RBL2: variants seen among roughly 807,000 people sequenced by gnomAD.
RBL2 encodes RB transcriptional corepressor like 2.
Under a neutral mutation model 126.0 loss-of-function variants are expected in RBL2, and 56 were observed. That is an observed-to-expected ratio of 0.44 (90% confidence interval 0.36 to 0.56). The LOEUF is 0.56. RBL2 is among the 20% of genes least tolerant of loss of function. The pLI, the probability that RBL2 is intolerant of heterozygous loss-of-function variation, is 0.00. For missense variants in RBL2, 1,229 were observed against 1,398.2 expected, an observed-to-expected ratio of 0.88 and a Z score of 1.93; for synonymous variants, 454 against 478.5, an observed-to-expected ratio of 0.95 and a Z score of 0.67.
At position 53,457,258 on chromosome 16, in the gene RBL2, C is replaced by CCTTTTTTTTTTTTTTTTT. The variant is rs1555566426; in HGVS notation, c.1180-2193_1180-2192insCTTTTTTTTTTTTTTTTT. On this transcript the variant is annotated intron_variant, in intron 8 of 21. Transcript: ENST00000262133. ...GGGTCATCAGGGTGGGTACAGATAG[C>CCTTTTTTTTTTTTTTTTT]TTTTTTTTTTTTTTTTTTTGAGATG... Among the ~76,000 whole-genome samples the CCTTTTTTTTTTTTTTTTT allele has an allele frequency of 4.1e-3, 370 of 89,852 alleles. 30 individuals carry two copies. Among genetic ancestry groups the CCTTTTTTTTTTTTTTTTT allele is most frequent in the Middle Eastern group, 8.1e-3 (1 of 124 alleles). 58.9% of individuals were successfully genotyped at this position (89,852 alleles called of 152,430 possible).
chr16:53,454,162 G>A, intron 7 of RBL2: 1 of 433,734 alleles, frequency 2.3e-6, no homozygotes, highest in South Asian at 1.7e-5. Flanking sequence ...TGTGATGGAT[G>A]AGCTTGGGGA....
chr16:53,461,142 G>T (rs1353761619), intron 9 of RBL2, among the ~76,000 whole-genome samples: 1 of 152,024 alleles, frequency 6.6e-6, no homozygotes. Flanking sequence ...ACAGGTGGGG[G>T]ACAGTCATAG....
chr16:53,449,604 AAAG>A (rs2058094485), intron 4 of RBL2: 1 of 151,294 alleles, frequency 6.6e-6, no homozygotes, highest in Non-Finnish European at 1.5e-5. Context: ...AAAAAAAAAA[AAAG>A]AAACTTGGTC....
At chr16:53,480,059 A>C in intron 19 of RBL2, 68 bp downstream of exon 19, 1 of 1,012,584 alleles carries the variant, frequency 9.9e-7, no homozygotes, top group South Asian at 1.5e-5. Flanking sequence ...GCCTTGAAGA[A>C]GTAACTAAGC....
At chr16:53,438,286 G>A (rs982100529) in intron 1 of RBL2, among the ~76,000 whole-genome samples, 2 of 152,008 alleles carry the variant, frequency 1.3e-5, no homozygotes, top group African/African-American at 4.8e-5. Context: ...TGTTCCATGT[G>A]GTCTCACCAG....
At chr16:53,453,347 A>G (rs2058134033) in intron 5 of RBL2, 105 bp from the exon 6 acceptor site, 1 of 1,024,232 alleles carries the variant, frequency 9.8e-7, no homozygotes, top group Non-Finnish European at 1.4e-6. Flanking sequence ...ATACATTTGT[A>G]TGCTAAGTGG....
intron 17 of RBL2, among the ~76,000 whole-genome samples, chr16:53,474,761 T>G (rs1476042945): frequency 6.6e-6 from 1 of 152,254 alleles, no homozygotes; most frequent in Non-Finnish European, 1.5e-5. Flanking sequence ...ATAAGAGGCA[T>G]TGGTCTGTAG....
intron 17 of RBL2, among the ~76,000 whole-genome samples, chr16:53,471,960 G>C (rs559313585): frequency 6.6e-6 from 1 of 152,254 alleles, no homozygotes; most frequent in South Asian, 2.1e-4. Context: ...CCAGCAGTTG[G>C]CATTCTGGCT....
chr16:53,441,630 G>A (rs183759672), intron 2 of RBL2, among the ~76,000 whole-genome samples: 33 of 152,198 alleles, frequency 2.2e-4, no homozygotes, highest in African/African-American at 7.7e-4. Flanking sequence ...AAGTATGATA[G>A]CATTTATATA....
intron 1 of RBL2, among the ~76,000 whole-genome samples, chr16:53,438,191 C>T (rs565303579): frequency 2.6e-5 from 4 of 152,144 alleles, no homozygotes; most frequent in South Asian, 2.1e-4. Context: ...CATGTTTCTG[C>T]GTCAAAATGA....
intron 21 of RBL2, among the ~76,000 whole-genome samples, 166 bp downstream of exon 21, chr16:53,482,001 C>T (rs546330844): frequency 6.6e-6 from 1 of 151,902 alleles, no homozygotes; most frequent in East Asian, 1.9e-4. Flanking sequence ...TTGTTTTTTG[C>T]CTTTTTTGAG....
chr16:53,437,823 C>CA (rs1476412929), intron 1 of RBL2, among the ~76,000 whole-genome samples: 1 of 151,762 alleles, frequency 6.6e-6, no homozygotes, highest in Non-Finnish European at 1.5e-5. Flanking sequence ...GTCAGGAGAT[C>CA]AAGACCATCC....
chr16:53,460,373 C>T (rs2058208828), intron 9 of RBL2, among the ~76,000 whole-genome samples: 1 of 152,224 alleles, frequency 6.6e-6, no homozygotes, highest in African/African-American at 2.4e-5. Flanking sequence ...CATAGCCAGG[C>T]TTCTTAAATG....
chr16:53,460,251 C>G (rs1047878054), intron 9 of RBL2, among the ~76,000 whole-genome samples: 1 of 152,162 alleles, frequency 6.6e-6, no homozygotes, highest in Non-Finnish European at 1.5e-5. Context: ...CAAGGTCCCT[C>G]TCAGTCCTAA....
intron 21 of RBL2, among the ~76,000 whole-genome samples, chr16:53,485,380 T>C (rs1038341220): frequency 6.6e-6 from 1 of 152,150 alleles, no homozygotes; most frequent in African/African-American, 2.4e-5. Flanking sequence ...ATCCAAAATA[T>C]TAAAATTTGT....
chr16:53,463,289 G>A (rs2150806410), intron 11 of RBL2, among the ~76,000 whole-genome samples: 1 of 152,286 alleles, frequency 6.6e-6, no homozygotes, highest in East Asian at 1.9e-4. Flanking sequence ...TTTGGTACAT[G>A]GTCATCTAGC....
chr16:53,443,920 C>G (rs546590232), intron 3 of RBL2, among the ~76,000 whole-genome samples: 2 of 152,300 alleles, frequency 1.3e-5, no homozygotes, highest in East Asian at 3.9e-4. Flanking sequence ...TCTGGTCTAG[C>G]TCACTTACAG....
In RBL2 at chr16:53,488,858, C is replaced by T. The variant is rs529737943; in HGVS notation, c.3250-1272C>T. ...AGACTGCAGAGATAGCAAATGCAGA[C>T]CAGACTCTTAGGAAGGCAGAAAGGG... On this transcript the variant is annotated intron_variant, in intron 21 of 21. Coordinates refer to ENST00000262133, the MANE Select transcript of RBL2 (RefSeq NM_005611.4). 6 of 152,086 alleles carry T rather than the reference C, an allele frequency of 3.9e-5. No individual in the cohort carries two copies. The South Asian group carries it at 1.2e-3, about 32-fold the overall frequency. 9.4% of individuals were successfully genotyped at this position (152,086 alleles called of 1,614,324 possible).
At chr16:53,477,520 T>C (rs1030594133) in intron 17 of RBL2, among the ~76,000 whole-genome samples, 2 of 146,824 alleles carry the variant, frequency 1.4e-5, no homozygotes, top group African/African-American at 4.9e-5. Context: ...GATTTTTGTA[T>C]TTTTTTGTAG....
Sources: allele counts gnomAD v4.1 joint callset (sites outside exome capture counted in the v4.1 genomes callset), GRCh38; gene constraint gnomAD v4.1.1; transcripts MANE v1.5; gene names NCBI Gene and HGNC (gene_info 2026-07-23, HGNC 2026-07-21).